IDE: variants seen among roughly 807,000 people sequenced by gnomAD.
The protein encoded by IDE is insulin degrading enzyme, also known as insulin-degrading enzyme.
Under a neutral mutation model 133.2 loss-of-function variants are expected in IDE, and 58 were observed. The ratio of observed to expected loss-of-function variants is 0.44; its 90% CI spans 0.35 to 0.54. The LOEUF (loss-of-function observed/expected upper bound fraction) is 0.54, where lower values mean the gene tolerates loss of function less well. IDE is among the 20% of genes least tolerant of loss of function. The pLI is 0.00. For missense variants in IDE, 981 were observed against 1,234.0 expected, an observed-to-expected ratio of 0.79 and a Z score of 3.07; for synonymous variants, 396 against 421.3, an observed-to-expected ratio of 0.94 and a Z score of 0.73.
chr10:92,474,902 G>A lies in IDE; in HGVS notation c.2055C>T (p.Tyr685=). ...AEQPHQHAMY[Y]LRLLMTEVAW... ...CCACTTCAGTCATCAGCAAGCGGAG[G>A]TAGTACATGGCATGCTGGTGAGGCT... The change falls in exon 17 of 25, where the codon TAC becomes TAT. Residue 685 remains tyrosine (Y), a synonymous_variant. Coordinates refer to ENST00000265986, the MANE Select transcript of IDE (RefSeq NM_004969.4). 6.2e-7 allele frequency: 1 copy of A among 1,613,116 alleles called. No homozygotes were observed. Among genetic ancestry groups the A allele is most frequent in the South Asian group, 1.1e-5 (1 of 91,052 alleles).
chr10:92,523,937 CTAAG>C (rs1849369309), intron 4 of IDE, among the ~76,000 whole-genome samples: 1 of 151,932 alleles, frequency 6.6e-6, no homozygotes, highest in Non-Finnish European at 1.5e-5. Context: ...ATAACCAGAA[CTAAG>C]TTTTTCCTTT....
At chr10:92,560,278 G>T (rs762909323) in intron 1 of IDE, among the ~76,000 whole-genome samples, 1 of 152,140 alleles carries the variant, frequency 6.6e-6, no homozygotes, top group Non-Finnish European at 1.5e-5. Context: ...TGGCTTCTGG[G>T]AACGGTGTCT....
intron 19 of IDE, among the ~76,000 whole-genome samples, chr10:92,467,979 C>T (rs764601450): frequency 3.3e-5 from 5 of 152,206 alleles, no homozygotes; most frequent in Non-Finnish European, 7.3e-5. Flanking sequence ...GATGGAGATG[C>T]ACTTCAATCC....
At chr10:92,489,163 A>G (rs1847200634) in intron 12 of IDE, among the ~76,000 whole-genome samples, 1 of 152,156 alleles carries the variant, frequency 6.6e-6, no homozygotes. Context: ...ATATTTCTTA[A>G]GTGGTATCTT....
In IDE at chr10:92,452,416, A is replaced by C. The variant is rs1273931528; in HGVS notation, c.*2028T>G. 4 of 152,196 alleles carry C rather than the reference A, an allele frequency of 2.6e-5. No individual in the cohort carries two copies. The highest frequency in any genetic ancestry group is 9.7e-5 in the African/African-American group (4 of 41,450). The allele number at this position is 152,196 out of a possible 1,614,324, so 9.4% of individuals were successfully genotyped here. A position where few individuals can be genotyped will look rare whatever the true frequency, so the allele number is the denominator to read the frequency against. The stretch of plus-strand genomic sequence containing the variant: ...AATCTCATTTACTAAGCACTGCGTA[A>C]ACTGCAGTATCTGGGGTAGTCTGTT... On this transcript the variant is annotated 3_prime_UTR_variant, in exon 25 of 25. Transcript: ENST00000265986.
intron 9 of IDE, among the ~76,000 whole-genome samples, chr10:92,507,325 C>T (rs1848345289): frequency 6.6e-6 from 1 of 152,114 alleles, no homozygotes. Context: ...GATGGAAAAG[C>T]ATTTGATTTC....
chr10:92,508,807 T>G lies in IDE; in HGVS notation c.981A>C (p.Lys327Asn), dbSNP rs1485466691. 1.2e-6 allele frequency: 2 copies of G among 1,613,522 alleles called. No homozygotes were observed. Among genetic ancestry groups the G allele is most frequent in the East Asian group, 2.2e-5 (1 of 44,886 alleles). The part of the protein sequence containing the change: ...FPIPDLQKYY[K>N]SNPGHYLGHL... ...GACCAAGATAATGACCAGGATTTGA[T>G]TTGTAGTATTTCTGAAGGTCAGGTA... The change falls in exon 7 of 25, where the codon AAA becomes AAC. Residue 327 changes from lysine to asparagine, a missense_variant. Transcript: ENST00000265986.
At chr10:92,518,914 C>A (rs1446489017) in intron 4 of IDE, among the ~76,000 whole-genome samples, 1 of 152,148 alleles carries the variant, frequency 6.6e-6, no homozygotes, top group East Asian at 1.9e-4. Flanking sequence ...GAAAATGCAA[C>A]TGAAGTGTAC....
intron 15 of IDE, 58 bp downstream of exon 15, chr10:92,479,219 C>A: frequency 3.1e-6 from 4 of 1,299,348 alleles, no homozygotes; most frequent in South Asian, 1.6e-5. Flanking sequence ...AAAATGCTTC[C>A]ATCAAATCAA....
At chr10:92,558,636 C>T (rs1325824424) in intron 1 of IDE, among the ~76,000 whole-genome samples, 1 of 151,986 alleles carries the variant, frequency 6.6e-6, no homozygotes, top group Non-Finnish European at 1.5e-5. Flanking sequence ...CTCTCGTCAC[C>T]CAGGCTGGAG....
chr10:92,553,851 C>A (rs959278888), intron 1 of IDE, among the ~76,000 whole-genome samples: 4 of 152,076 alleles, frequency 2.6e-5, no homozygotes, highest in African/African-American at 9.7e-5. Context: ...AGTCTCCTAG[C>A]AAAGAAAAGC....
chr10:92,504,342 C>G (rs1414300343), intron 11 of IDE, among the ~76,000 whole-genome samples: 1 of 152,038 alleles, frequency 6.6e-6, no homozygotes, highest in Non-Finnish European at 1.5e-5. Flanking sequence ...CCAGGTTAAC[C>G]ACTGGTCAAT....
intron 1 of IDE, among the ~76,000 whole-genome samples, chr10:92,563,128 G>C (rs913408742): frequency 2.0e-5 from 3 of 152,222 alleles, no homozygotes; most frequent in African/African-American, 7.2e-5. Flanking sequence ...GCAGGCGCCT[G>C]TAATCCCAGC....
At position 92,570,034 on chromosome 10, in the gene IDE, C is replaced by T. The variant is rs1025546567; in HGVS notation, c.98+3888G>A. ...CTGAGGCAGAAGAATCACTTGAACC[C>T]GGGAGGTGGAAGTTGCAGTGAGCCA... On this transcript the variant is annotated intron_variant, in intron 1 of 24. Coordinates refer to ENST00000265986, the MANE Select transcript of IDE (RefSeq NM_004969.4). Among the ~76,000 whole-genome samples, 9 of 151,708 alleles carry T rather than the reference C, an allele frequency of 5.9e-5. No individual in the cohort carries two copies. In the East Asian group the frequency reaches 9.7e-4, roughly 16 times the overall value.
intron 11 of IDE, among the ~76,000 whole-genome samples, chr10:92,501,924 G>A (rs777791299): frequency 1.3e-5 from 2 of 152,050 alleles, no homozygotes; most frequent in African/African-American, 2.4e-5. Context: ...GCAGTAAGCC[G>A]AGATTGCACC....
intron 17 of IDE, among the ~76,000 whole-genome samples, chr10:92,473,027 C>T (rs1031601630): frequency 6.6e-6 from 1 of 151,150 alleles, no homozygotes; most frequent in African/African-American, 2.4e-5. Context: ...ACTGTAAGCT[C>T]CGCCTCCCAG....
chr10:92,510,703 TATATG>T (rs1848549072), intron 5 of IDE, among the ~76,000 whole-genome samples: 1 of 151,208 alleles, frequency 6.6e-6, no homozygotes, highest in South Asian at 2.1e-4. Flanking sequence ...ACATCTCACA[TATATG>T]ATATATATCA....
intron 23 of IDE, among the ~76,000 whole-genome samples, 154 bp from the exon 24 acceptor site, chr10:92,455,797 A>G (rs1844977048): frequency 6.6e-6 from 1 of 152,110 alleles, no homozygotes; most frequent in African/African-American, 2.4e-5. Context: ...CTGCTACCCA[A>G]GGCCTTAAGT....
intron 1 of IDE, among the ~76,000 whole-genome samples, chr10:92,544,102 G>A (rs765387472): frequency 1.1e-4 from 17 of 152,030 alleles, no homozygotes; most frequent in South Asian, 2.1e-4. Context: ...GCATGATGGC[G>A]CATGCCTGTA....
Sources: allele counts gnomAD v4.1 joint callset (sites outside exome capture counted in the v4.1 genomes callset), GRCh38; gene constraint gnomAD v4.1.1; transcripts MANE v1.5; gene names NCBI Gene and HGNC (gene_info 2026-07-23, HGNC 2026-07-21).